PKD2L2: variants seen among roughly 807,000 people sequenced by gnomAD.
The protein encoded by PKD2L2 is polycystin-2-like protein 2.
In PKD2L2, 67 loss-of-function variants were observed where a neutral mutation model predicts 83.9. That is an observed-to-expected ratio of 0.80 (90% CI 0.66 to 0.98). The LOEUF is 0.98. Ranked by LOEUF, PKD2L2 falls within the 50% of genes least tolerant of loss-of-function variation. The pLI is 0.00. For missense variants in PKD2L2, 632 were observed against 717.2 expected (o/e 0.88, Z 1.36); for synonymous variants, 223 against 237.8 (o/e 0.94, Z 0.57).
At chr5:137,909,300 A>T (rs906409278) in intron 8 of PKD2L2, among the ~76,000 whole-genome samples, 2 of 151,826 alleles carry the variant, frequency 1.3e-5, no homozygotes, top group Non-Finnish European at 2.9e-5. Context: ...AAATGCTGGG[A>T]TTACAGGCAT....
intron 12 of PKD2L2, among the ~76,000 whole-genome samples, chr5:137,928,330 T>C (rs1048331470): frequency 7.2e-6 from 1 of 139,190 alleles, no homozygotes; most frequent in African/African-American, 2.7e-5. Context: ...TTGAGCCCAG[T>C]AGTTTGAGAC....
At chr5:137,908,039 G>T in intron 7 of PKD2L2, 127 bp downstream of exon 7, 1 of 484,282 alleles carries the variant, frequency 2.1e-6, no homozygotes, top group Non-Finnish European at 3.5e-6. Flanking sequence ...GTTTGGGCCA[G>T]CACAGTGGCT....
At chr5:137,936,091 T>C (rs1760331639) in intron 13 of PKD2L2, among the ~76,000 whole-genome samples, 182 bp downstream of exon 13, 1 of 152,212 alleles carries the variant, frequency 6.6e-6, no homozygotes, top group African/African-American at 2.4e-5. Context: ...AAGCTTTTGA[T>C]TACATCCCTG....
intron 1 of PKD2L2, 44 bp from the exon 2 acceptor site, chr5:137,890,437 A>G: frequency 9.8e-7 from 1 of 1,022,362 alleles, no homozygotes; most frequent in Non-Finnish European, 1.5e-6. Context: ...TCACTTATAA[A>G]TTACATAATA....
At chr5:137,892,106 C>T (rs1203581484) in intron 2 of PKD2L2, among the ~76,000 whole-genome samples, 2 of 152,234 alleles carry the variant, frequency 1.3e-5, no homozygotes, top group Admixed American at 1.3e-4. Context: ...TGATGGGACT[C>T]ACACCCTTAT....
At chr5:137,912,950 A>G (rs1377051558) in intron 8 of PKD2L2, among the ~76,000 whole-genome samples, 2 of 150,786 alleles carry the variant, frequency 1.3e-5, no homozygotes. Flanking sequence ...GATTACAGGC[A>G]TGCACCACCA....
chr5:137,907,960 A>G, intron 7 of PKD2L2, 48 bp downstream of exon 7: 1 of 807,644 alleles, frequency 1.2e-6, no homozygotes, highest in Non-Finnish European at 1.8e-6. Flanking sequence ...GTAATAGCAT[A>G]ATGAAAAATT....
intron 12 of PKD2L2, among the ~76,000 whole-genome samples, chr5:137,927,733 T>G (rs897185074): frequency 6.6e-6 from 1 of 152,204 alleles, no homozygotes; most frequent in African/African-American, 2.4e-5. Context: ...TTCTTGTAAC[T>G]TGTATCTAAA....
At chr5:137,914,800 T>C (rs1349537691) in intron 8 of PKD2L2, among the ~76,000 whole-genome samples, 1 of 152,182 alleles carries the variant, frequency 6.6e-6, no homozygotes. Flanking sequence ...TAAGGGACAT[T>C]CTTTCTATAC....
chr5:137,940,166 C>A lies in PKD2L2; in HGVS notation c.*18-2218C>A, dbSNP rs370070551. ...AATTTAAGTACCAGCCAAGTACACA[C>A]GATGATAGCTTCAAGGAATACAACT... On this transcript the variant is annotated intron_variant, in intron 14 of 14. Transcript: ENST00000508883. 1.1e-5 allele frequency: 18 copies of A among 1,612,942 alleles called. No homozygotes were observed. The African/African-American group carries it at 1.9e-4, about 17-fold the overall frequency.
chr5:137,914,940 G>A (rs1468678090), intron 8 of PKD2L2, among the ~76,000 whole-genome samples: 1 of 152,040 alleles, frequency 6.6e-6, no homozygotes, highest in East Asian at 1.9e-4. Flanking sequence ...ATTTGTGTAT[G>A]TTGAACCATC....
rs755560243 is a variant in PKD2L2, at chr5:137,892,562, T to G, written c.216T>G (p.Gly72=). The G allele has an allele frequency of 1.9e-6, 3 of 1,612,344 alleles. No individual in the cohort carries two copies. In the African/African-American group the frequency reaches 4.0e-5, roughly 22 times the overall value. Residue 72 remains glycine, a synonymous_variant, in exon 3 of 15, where the codon GGT becomes GGG. Coordinates refer to ENST00000508883, the MANE Select transcript of PKD2L2 (RefSeq NM_001300921.2). Reference sequence around the variant, plus strand: ...TATTTTTGGACACTTCTGTGCCTGGTGAAGAAAGAACCAACTTTAAGTCCA... The same window carrying G: ...TATTTTTGGACACTTCTGTGCCTGGGGAAGAAAGAACCAACTTTAAGTCCA... ...SSLFLDTSVP[G]EERTNFKSIR...
In PKD2L2 at chr5:137,935,888, T is replaced by TC; in HGVS notation, c.1764dup (p.Thr589HisfsTer91). ...GAAATTCAAGATGACTACCAGCCTG[T>TC]CACTCAAGAAGAATTTCGAGAGTAA... is the stretch of plus-strand genomic sequence containing the variant. On this transcript the variant is annotated frameshift_variant, in exon 13 of 15. Coordinates refer to ENST00000508883, the MANE Select transcript of PKD2L2 (RefSeq NM_001300921.2). LOFTEE classifies it high-confidence loss of function. The TC allele has an allele frequency of 6.3e-7, 1 of 1,586,002 alleles. No individual in the cohort carries two copies. Among genetic ancestry groups the TC allele is most frequent in the Non-Finnish European group, 8.7e-7 (1 of 1,154,782 alleles).
chr5:137,907,708 T>C, intron 6 of PKD2L2, 34 bp from the exon 7 acceptor site: 1 of 1,278,150 alleles, frequency 7.8e-7, no homozygotes, highest in African/African-American at 1.5e-5. Flanking sequence ...GTAGAGATAT[T>C]CTCTAATTTA....
At chr5:137,891,985 C>G (rs1756032396) in intron 2 of PKD2L2, among the ~76,000 whole-genome samples, 1 of 152,314 alleles carries the variant, frequency 6.6e-6, no homozygotes, top group South Asian at 2.1e-4. Flanking sequence ...CGCCCCGCCA[C>G]TAGTTAATAT....
At chr5:137,895,615 C>T (rs1268224967) in intron 4 of PKD2L2, among the ~76,000 whole-genome samples, 1 of 152,104 alleles carries the variant, frequency 6.6e-6, no homozygotes, top group South Asian at 2.1e-4. Context: ...CATTGGCTCA[C>T]GCCTGTAATC....
At chr5:137,917,203 C>T (rs1758452517) in intron 8 of PKD2L2, among the ~76,000 whole-genome samples, 2 of 135,476 alleles carry the variant, frequency 1.5e-5, no homozygotes, top group South Asian at 2.4e-4. Flanking sequence ...CACTCTGTCT[C>T]ACCCAGGCTG....
chr5:137,894,792 T>G (rs1756298122), intron 4 of PKD2L2, among the ~76,000 whole-genome samples, 183 bp downstream of exon 4: 1 of 152,194 alleles, frequency 6.6e-6, no homozygotes, highest in Admixed American at 6.5e-5. Context: ...CTATTATTTT[T>G]TGTTTACTTT....
chr5:137,921,909 C>G (rs374624444), intron 9 of PKD2L2, among the ~76,000 whole-genome samples, 153 bp downstream of exon 9: 32 of 151,954 alleles, frequency 2.1e-4, no homozygotes, highest in Middle Eastern at 3.2e-3. Context: ...GTTCACTAGT[C>G]CAGTGACTGT....
Sources: gnomAD v4.1 joint callset for allele counts (sites outside exome capture counted in the v4.1 genomes callset) on GRCh38, gnomAD v4.1.1 for gene constraint, MANE v1.5 for transcripts, NCBI Gene and HGNC (gene_info 2026-07-23, HGNC 2026-07-21) for gene names.